Variants in KCNS3 observed in about 807,000 individuals in gnomAD.
KCNS3 encodes the protein delayed-rectifier potassium channel regulatory subunit KCNS3.
A neutral mutation model predicts 31.0 loss-of-function variants in KCNS3; 13 were observed. The observed-to-expected ratio is 0.42, with a 90% confidence interval of 0.27 to 0.67. The LOEUF (loss-of-function observed/expected upper bound fraction) is 0.67, where lower values mean the gene tolerates loss of function less well. Ranked by LOEUF, KCNS3 falls within the 30% of genes least tolerant of loss-of-function variation. The pLI is 0.25. For missense variants in KCNS3, 545 were observed against 622.4 expected, an observed-to-expected ratio of 0.88 and a Z score of 1.32; for synonymous variants, 238 against 241.5, an observed-to-expected ratio of 0.99 and a Z score of 0.13.
intron 1 of KCNS3, among the ~76,000 whole-genome samples, chr2:17,884,279 ATATATATATATATATATATATATATT>A (rs1674718063): frequency 1.7e-5 from 2 of 116,130 alleles, no homozygotes. Flanking sequence ...ATATATATAT[ATATATATATATATATATATATATATT>A]TAAAAAGAAG....
intron 2 of KCNS3, among the ~76,000 whole-genome samples, chr2:17,926,014 G>C (rs1292140744): frequency 6.6e-6 from 1 of 152,214 alleles, no homozygotes; most frequent in African/African-American, 2.4e-5. Context: ...ACAGGCATTG[G>C]ATAAATGCTT....
intron 1 of KCNS3, among the ~76,000 whole-genome samples, chr2:17,891,921 T>G (rs1480077145): frequency 2.6e-5 from 4 of 152,174 alleles, no homozygotes; most frequent in African/African-American, 9.7e-5. Flanking sequence ...GATCTTTTTA[T>G]GATGAATTTT....
chr2:17,915,006 A>G (rs1390771543), intron 1 of KCNS3, among the ~76,000 whole-genome samples: 1 of 152,222 alleles, frequency 6.6e-6, no homozygotes, highest in Non-Finnish European at 1.5e-5. Flanking sequence ...ATTGGGTGTC[A>G]GGAGTCTGGA....
At chr2:17,914,515 C>T (rs1447112282) in intron 1 of KCNS3, among the ~76,000 whole-genome samples, 2 of 152,234 alleles carry the variant, frequency 1.3e-5, no homozygotes, top group Non-Finnish European at 2.9e-5. Flanking sequence ...CAGCCTCAGT[C>T]TTTCACACTT....
At chr2:17,906,755 G>A (rs1347366122) in intron 1 of KCNS3, among the ~76,000 whole-genome samples, 3 of 152,208 alleles carry the variant, frequency 2.0e-5, no homozygotes, top group African/African-American at 7.2e-5. Flanking sequence ...CAGTTTCCAT[G>A]TAGTTGAGTG....
At chr2:17,927,379 A>G (rs1572504064) in intron 2 of KCNS3, among the ~76,000 whole-genome samples, 2 of 152,070 alleles carry the variant, frequency 1.3e-5, no homozygotes, top group African/African-American at 4.8e-5. Flanking sequence ...CCCAGTTCCA[A>G]AGTTGCTTCC....
chr2:17,903,482 G>C (rs1662235867), intron 1 of KCNS3, among the ~76,000 whole-genome samples: 1 of 152,030 alleles, frequency 6.6e-6, no homozygotes, highest in South Asian at 2.1e-4. Flanking sequence ...TATACTTTAA[G>C]TTCTAGGGTA....
chr2:17,926,628 C>T (rs1313315644), intron 2 of KCNS3, among the ~76,000 whole-genome samples: 1 of 152,228 alleles, frequency 6.6e-6, no homozygotes, highest in African/African-American at 2.4e-5. Context: ...GAAGCCATGG[C>T]CCAAGCTGTA....
At chr2:17,921,554 A>G (rs2125250789) in intron 2 of KCNS3, among the ~76,000 whole-genome samples, 1 of 152,284 alleles carries the variant, frequency 6.6e-6, no homozygotes, top group South Asian at 2.1e-4. Flanking sequence ...TGAATAATTT[A>G]TAAGGGAAAG....
chr2:17,892,468 C>T (rs1661882773), intron 1 of KCNS3, among the ~76,000 whole-genome samples: 1 of 152,044 alleles, frequency 6.6e-6, no homozygotes, highest in Non-Finnish European at 1.5e-5. Context: ...GGACCCATTG[C>T]TGGTGAACTA....
At chr2:17,923,095 C>T (rs1414439159) in intron 2 of KCNS3, among the ~76,000 whole-genome samples, 1 of 152,164 alleles carries the variant, frequency 6.6e-6, no homozygotes, top group Admixed American at 6.5e-5. Context: ...TTCTCCACAT[C>T]CCTGCCAACA....
intron 2 of KCNS3, among the ~76,000 whole-genome samples, chr2:17,929,676 T>C (rs1662912442): frequency 2.0e-5 from 3 of 152,250 alleles, no homozygotes; most frequent in Non-Finnish European, 4.4e-5. Context: ...ACTGCTTTTT[T>C]CTCAGTAATC....
At chr2:17,922,321 C>CT (rs1164925938) in intron 2 of KCNS3, among the ~76,000 whole-genome samples, 1 of 151,692 alleles carries the variant, frequency 6.6e-6, no homozygotes, top group Non-Finnish European at 1.5e-5. Context: ...TCTATTATTT[C>CT]TTTTTTTACT....
rs35365641 is a variant in KCNS3 at position 17,917,297 on chromosome 2, G to T, written c.-251-383G>T. Among the ~76,000 whole-genome samples, 126 of 152,314 alleles carry T rather than the reference G, an allele frequency of 8.3e-4. 2 individuals carry two copies. The highest frequency in any genetic ancestry group is 2.9e-3 in the African/African-American group (122 of 41,568). ...TAGATTTTGAAATGGATTAGAATGC[G>T]TTCATTTAGAAGCTTACAAGTATAT... On this transcript the variant is annotated intron_variant, in intron 1 of 2. Transcript: ENST00000304101.
chr2:17,930,148 G>A (rs979138324), intron 2 of KCNS3, among the ~76,000 whole-genome samples: 2 of 152,170 alleles, frequency 1.3e-5, no homozygotes, highest in Non-Finnish European at 2.9e-5. Flanking sequence ...TTATAGATTA[G>A]GGCCACGTGG....
chr2:17,910,917 A>G (rs1019430373), intron 1 of KCNS3, among the ~76,000 whole-genome samples: 4 of 152,234 alleles, frequency 2.6e-5, no homozygotes, highest in East Asian at 1.9e-4. Context: ...GCTACTTCCT[A>G]TAGCCCAAGT....
chr2:17,888,629 G>GTATATCTATATATATATATATATA (rs35102585), intron 1 of KCNS3, among the ~76,000 whole-genome samples: 1 of 92,368 alleles, frequency 1.1e-5, no homozygotes, highest in African/African-American at 4.5e-5. Flanking sequence ...TAAAAAAAAT[G>GTATATCTATATATATATATATATA]TATATATATA....
rs1662626179 is a variant in KCNS3 at position 17,917,858 on chromosome 2, T to C, written c.-73T>C. Reference sequence around the variant, plus strand: ...CAGGATGAAGGCAGAGCGTGTGGCATCTCCACCTCAAGGGTAAGAGTTGCC... The same window carrying C: ...CAGGATGAAGGCAGAGCGTGTGGCACCTCCACCTCAAGGGTAAGAGTTGCC... On this transcript the variant is annotated 5_prime_UTR_variant, in exon 2 of 3. Coordinates refer to ENST00000304101, the MANE Select transcript of KCNS3 (RefSeq NM_002252.5). 1 of 152,724 alleles carries C rather than the reference T, an allele frequency of 6.5e-6. No homozygotes were observed. Among genetic ancestry groups the C allele is most frequent in the African/African-American group, 2.4e-5 (1 of 41,456 alleles). The allele number at this position is 152,724 out of a possible 1,614,324, so 9.5% of individuals were successfully genotyped here.
intron 1 of KCNS3, among the ~76,000 whole-genome samples, chr2:17,913,808 T>C (rs1162285943): frequency 1.3e-5 from 2 of 152,052 alleles, no homozygotes; most frequent in Non-Finnish European, 2.9e-5. Flanking sequence ...TCTGGAGACA[T>C]TTTTGGTTGT....
Sources: gnomAD v4.1 joint callset for allele counts (sites outside exome capture counted in the v4.1 genomes callset) on GRCh38, gnomAD v4.1.1 for gene constraint, MANE v1.5 for transcripts, NCBI Gene and HGNC (gene_info 2026-07-23, HGNC 2026-07-21) for gene names.